The following MTAP variants were observed in gnomAD, a reference collection of about 807,000 sequenced individuals.
MTAP encodes methylthioadenosine phosphorylase.
Under a neutral mutation model 33.6 loss-of-function variants are expected in MTAP, and 33 were observed. The ratio of observed to expected loss-of-function variants is 0.98; its 90% CI spans 0.74 to 1.31. MTAP has a LOEUF of 1.31. Among genes scored for constraint, MTAP ranks in the 40% most tolerant of loss-of-function variants. MTAP has a pLI of 0.00. For missense variants in MTAP, 367 were observed against 360.0 expected, an observed-to-expected ratio of 1.02 and a Z score of -0.16; for synonymous variants, 148 against 125.7, an observed-to-expected ratio of 1.18 and a Z score of -1.19.
chr9:21,872,405 C>T (rs946625351), intron 1 of MTAP, among the ~76,000 whole-genome samples: 2 of 152,094 alleles, frequency 1.3e-5, no homozygotes, highest in Non-Finnish European at 2.9e-5. Flanking sequence ...GGCTACTTCC[C>T]GAATGACCTT....
intron 1 of MTAP, among the ~76,000 whole-genome samples, chr9:21,880,336 C>T (rs970802942): frequency 1.3e-5 from 2 of 152,094 alleles, no homozygotes; most frequent in South Asian, 4.1e-4. Flanking sequence ...TAAACTAAAC[C>T]TCTATTCATT....
chr9:21,867,228 C>G (rs542504501), downstream of MTAP: 1 of 152,066 alleles, frequency 6.6e-6, no homozygotes, highest in African/African-American at 2.4e-5. Context: ...TGAATAGAAG[C>G]GGTGTGTGAG....
chr9:21,901,032 AG>A (rs1818384224), intron 1 of MTAP, among the ~76,000 whole-genome samples: 1 of 152,200 alleles, frequency 6.6e-6, no homozygotes, highest in South Asian at 2.1e-4. Flanking sequence ...GCAGAGTGAG[AG>A]GAGAGTTAGG....
chr9:21,839,403 CA>C (rs1825189256), intron 5 of MTAP, among the ~76,000 whole-genome samples: 2 of 152,120 alleles, frequency 1.3e-5, no homozygotes, highest in South Asian at 4.1e-4. Flanking sequence ...AGAGAATATG[CA>C]TGCTCGTATG....
At chr9:21,828,623 C>G (rs557901333) in intron 4 of MTAP, among the ~76,000 whole-genome samples, 1 of 151,872 alleles carries the variant, frequency 6.6e-6, no homozygotes, top group Non-Finnish European at 1.5e-5. Context: ...TACAGTGAAC[C>G]GAGATTGCTC....
At chr9:21,883,667 G>T (rs550215550) in intron 1 of MTAP, among the ~76,000 whole-genome samples, 1 of 151,162 alleles carries the variant, frequency 6.6e-6, no homozygotes, top group South Asian at 2.1e-4. Flanking sequence ...ATTGGAGAAC[G>T]TGTGTTTGGC....
chr9:21,870,362 G>T (rs560455990), downstream of MTAP, among the ~76,000 whole-genome samples: 211 of 152,314 alleles, frequency 1.4e-3, no homozygotes, highest in African/African-American at 4.7e-3. Context: ...GTGACAGCAG[G>T]AAACTTGTCA....
chr9:21,854,988 A>G, intron 6 of MTAP, 118 bp downstream of exon 6: 1 of 1,360,134 alleles, frequency 7.4e-7, no homozygotes. Flanking sequence ...AAGGTTTTGA[A>G]GTTGTTAATA....
downstream of MTAP, among the ~76,000 whole-genome samples, chr9:21,870,742 A>G (rs1235158007): frequency 1.3e-5 from 2 of 151,450 alleles, no homozygotes; most frequent in Non-Finnish European, 2.9e-5. Flanking sequence ...ATTTTATACT[A>G]ACAGTACATC....
rs1372677241 is a variant in MTAP, at chr9:21,865,775, A to G, written c.*3761A>G. 9.6e-7 allele frequency: 1 copy of G among 1,036,846 alleles called. No individual in the cohort carries two copies. Among genetic ancestry groups the G allele is most frequent in the Non-Finnish European group, 1.2e-6 (1 of 856,464 alleles). 64.2% of individuals were successfully genotyped at this position (1,036,846 alleles called of 1,614,324 possible). On this transcript the variant is annotated 3_prime_UTR_variant, in exon 8 of 8. Coordinates refer to ENST00000644715, the MANE Select transcript of MTAP (RefSeq NM_002451.4). ...ATGAGGGGAATTTCTTCAGAAAGACAATCTCGGCATGCATTATTTCTTTGT... is the reference window on the plus strand; with the variant it reads ...ATGAGGGGAATTTCTTCAGAAAGACGATCTCGGCATGCATTATTTCTTTGT...
At chr9:21,818,319 T>TGG in intron 4 of MTAP, 117 bp downstream of exon 4, 2 of 96,690 alleles carry the variant, frequency 2.1e-5, no homozygotes, top group African/African-American at 1.6e-4. Flanking sequence ...CTCGCTTGCT[T>TGG]TTTTTTTTTT....
intron 1 of MTAP, among the ~76,000 whole-genome samples, chr9:21,923,751 C>T (rs954077390): frequency 3.3e-5 from 5 of 152,072 alleles, no homozygotes; most frequent in South Asian, 2.1e-4. Flanking sequence ...CAGCCTCTTG[C>T]AGCAGTTGGC....
chr9:21,912,405 C>A (rs550183385), intron 1 of MTAP, among the ~76,000 whole-genome samples: 2 of 152,184 alleles, frequency 1.3e-5, no homozygotes, highest in South Asian at 4.1e-4. Flanking sequence ...CAAACCGAAT[C>A]CAGCAGCACA....
At chr9:21,897,781 A>C (rs1818320838) in intron 1 of MTAP, among the ~76,000 whole-genome samples, 1 of 152,240 alleles carries the variant, frequency 6.6e-6, no homozygotes, top group African/African-American at 2.4e-5. Flanking sequence ...AGGAAGAATC[A>C]ATATCATGAA....
chr9:21,810,135 G>A (rs1824308981), intron 1 of MTAP, among the ~76,000 whole-genome samples: 1 of 152,220 alleles, frequency 6.6e-6, no homozygotes, highest in Non-Finnish European at 1.5e-5. Context: ...TTATGCAACA[G>A]AAGCATTATC....
intron 1 of MTAP, among the ~76,000 whole-genome samples, chr9:21,886,545 G>T (rs961290013): frequency 2.6e-5 from 4 of 152,078 alleles, no homozygotes; most frequent in African/African-American, 9.7e-5. Context: ...GTCTAGAAGG[G>T]TTTTTCTGAT....
chr9:21,826,613 TTATTATTA>T lies in MTAP; in HGVS notation c.347+8413_347+8420del, dbSNP rs1587218144. Among the ~76,000 whole-genome samples the T allele has an allele frequency of 3.0e-3, 77 of 25,438 alleles. No homozygotes were observed. The East Asian group carries it at 0.14, about 47-fold the overall frequency. The allele number at this position is 25,438 out of a possible 152,430, so 16.7% of individuals were successfully genotyped here. A position where few individuals can be genotyped will look rare whatever the true frequency, so the allele number is the denominator to read the frequency against. ...GCCAGAGGTGCTGGGGTTTTGTTTA[TTATTATTA>T]TTATTATTATTATTATTATTATTAT... On this transcript the variant is annotated intron_variant, in intron 4 of 7. Transcript: ENST00000644715.
intron 1 of MTAP, among the ~76,000 whole-genome samples, chr9:21,888,238 G>C (rs980796073): frequency 6.6e-6 from 1 of 152,152 alleles, no homozygotes; most frequent in Non-Finnish European, 1.5e-5. Context: ...TTTGGGGTGT[G>C]TCATATGCTC....
downstream of MTAP, chr9:21,935,346 T>C (rs1231433185): frequency 6.6e-6 from 1 of 151,964 alleles, no homozygotes; most frequent in African/African-American, 2.4e-5. Context: ...TGGGCCAAAT[T>C]TGAGAACTGC....
Sources: gnomAD v4.1 joint callset for allele counts (sites outside exome capture counted in the v4.1 genomes callset) on GRCh38, gnomAD v4.1.1 for gene constraint, MANE v1.5 for transcripts, NCBI Gene and HGNC (gene_info 2026-07-23, HGNC 2026-07-21) for gene names.